Variants in NLRC5 observed in about 807,000 individuals in gnomAD.
NLRC5 encodes NLR family CARD domain containing 5.
A neutral mutation model predicts 206.9 loss-of-function variants in NLRC5; 114 were observed. The ratio of observed to expected loss-of-function variants is 0.55; its 90% CI spans 0.47 to 0.64. The LOEUF is 0.64. Ranked by LOEUF, NLRC5 falls within the 30% of genes least tolerant of loss-of-function variation. The pLI, the probability that NLRC5 is intolerant of heterozygous loss-of-function variation, is 0.00. For synonymous variants in NLRC5, 952 were observed against 962.8 expected (o/e 0.99, Z 0.21); for missense variants, 2,008 against 2,305.5 (o/e 0.87, Z 2.64).
rs779280243 is a variant in NLRC5 at position 57,081,194 on chromosome 16, G to C, written c.5405+13G>C. ...TGAAGAGAGTGGAGTATGAGGGGCC[G>C]GGGGAGGAATGGGACGGGCTAAAGG... On this transcript the variant is annotated intron_variant, in intron 47 of 48. Transcript: ENST00000688547. 2.6e-6 allele frequency: 4 copies of C among 1,538,216 alleles called. No homozygotes were observed. The highest frequency in any genetic ancestry group is 1.2e-5 in the South Asian group (1 of 84,064).
intron 1 of NLRC5, among the ~76,000 whole-genome samples, chr16:56,996,858 A>G (rs2057676459): frequency 6.6e-6 from 1 of 152,184 alleles, no homozygotes; most frequent in African/African-American, 2.4e-5. Context: ...GAATCAGCAT[A>G]GATTTTATTG....
At chr16:57,016,003 T>C (rs2060058576) in intron 1 of NLRC5, among the ~76,000 whole-genome samples, 1 of 148,898 alleles carries the variant, frequency 6.7e-6, no homozygotes, top group Admixed American at 6.7e-5. Flanking sequence ...TCACTTGAAG[T>C]CAGGAGTTCA....
At position 57,026,338 on chromosome 16, in the gene NLRC5, G is replaced by A. The variant is rs749799828; in HGVS notation, c.1395G>A (p.Leu465=). ...TACTGGACCTGGGGGAGGTGGCCCTGAGGGGCCTGGAGACAGGGAAGGTTA... is the reference window on the plus strand; with the variant it reads ...TACTGGACCTGGGGGAGGTGGCCCTAAGGGGCCTGGAGACAGGGAAGGTTA... The part of the protein sequence containing the change: ...SSLLDLGEVA[L]RGLETGKVIF... Residue 465 remains leucine (L), a synonymous_variant, in exon 6 of 49, where the codon CTG becomes CTA. Transcript: ENST00000688547. 7.7e-5 allele frequency: 124 copies of A among 1,613,868 alleles called. 1 individual carries two copies. Among genetic ancestry groups the A allele is most frequent in the Non-Finnish European group, 1.0e-4 (120 of 1,180,060 alleles).
intron 2 of NLRC5, among the ~76,000 whole-genome samples, 174 bp downstream of exon 2, chr16:57,017,362 G>C (rs1457089066): frequency 6.6e-6 from 1 of 152,198 alleles, no homozygotes; most frequent in Admixed American, 6.5e-5. Context: ...ATCAGACACA[G>C]AAAATCAGGA....
At chr16:57,049,428 G>A (rs2064514420) in intron 23 of NLRC5, among the ~76,000 whole-genome samples, 2 of 152,136 alleles carry the variant, frequency 1.3e-5, no homozygotes, top group South Asian at 4.1e-4. Flanking sequence ...CATCTGCAGA[G>A]GAAGCTTAAT....
rs768482609 is a variant in NLRC5, at chr16:57,025,606, G to A, written c.663G>A (p.Pro221=). The A allele has an allele frequency of 4.0e-5, 64 of 1,614,044 alleles. No individual in the cohort carries two copies. In the South Asian group the frequency reaches 5.2e-4, roughly 13 times the overall value. Residue 221 remains proline, a synonymous_variant, in exon 6 of 49, where the codon CCG becomes CCA. Transcript: ENST00000688547. The part of the protein sequence containing the change: ...DLFNTRVNKG[P]RVTVLLGKAG... ...TCAACACCAGGGTTAACAAGGGCCCGAGGGTGACCGTGCTTTTGGGGAAGG... is the reference window on the plus strand; with the variant it reads ...TCAACACCAGGGTTAACAAGGGCCCAAGGGTGACCGTGCTTTTGGGGAAGG...
intron 1 of NLRC5, among the ~76,000 whole-genome samples, chr16:57,005,642 G>T (rs1227338828): frequency 6.6e-6 from 1 of 152,118 alleles, no homozygotes; most frequent in Non-Finnish European, 1.5e-5. Context: ...TTCTAGGCCA[G>T]GTGCAGTGGC....
chr16:57,037,175 C>T lies in NLRC5; in HGVS notation c.2712-20C>T, dbSNP rs1432058055. 1 of 1,607,138 alleles carries T rather than the reference C, an allele frequency of 6.2e-7. No homozygotes were observed. ...TACCTCAGCCACATGCCAACGGCTG[C>T]CTTCTCCTGCTCTCCACAGCCTCAG... On this transcript the variant is annotated intron_variant, in intron 14 of 48. Coordinates refer to ENST00000688547, the MANE Select transcript of NLRC5 (RefSeq NM_001384950.1).
chr16:56,999,614 G>A (rs2058025067), intron 1 of NLRC5, among the ~76,000 whole-genome samples: 2 of 152,254 alleles, frequency 1.3e-5, no homozygotes, highest in African/African-American at 2.4e-5. Context: ...CCAAGCCCTG[G>A]CAGAGCCACA....
rs141061188 is a variant in NLRC5, at chr16:57,083,453, A to C, written c.*925A>C. 56 of 152,344 alleles carry C rather than the reference A, an allele frequency of 3.7e-4. 1 individual carries two copies. Among genetic ancestry groups the C allele is most frequent in the Middle Eastern group, 3.4e-3 (1 of 294 alleles). The allele number at this position is 152,344 out of a possible 1,614,324, so 9.4% of individuals were successfully genotyped here. A position where few individuals can be genotyped will look rare whatever the true frequency, so the allele number is the denominator to read the frequency against. On this transcript the variant is annotated 3_prime_UTR_variant, in exon 49 of 49. Coordinates refer to ENST00000688547, the MANE Select transcript of NLRC5 (RefSeq NM_001384950.1). The stretch of plus-strand genomic sequence containing the variant: ...GTTACCCAGTGTTCTTGTTACTTCC[A>C]AGGAGAACCAAGAATGGCTCTGTCA...
chr16:57,030,343 GATGA>G (rs1220188144), intron 10 of NLRC5, among the ~76,000 whole-genome samples: 6 of 124,994 alleles, frequency 4.8e-5, no homozygotes, highest in East Asian at 6.7e-4. Flanking sequence ...AAGATGGATG[GATGA>G]ATGGATGGCT....
intron 17 of NLRC5, 22 bp downstream of exon 17, chr16:57,040,740 C>G: frequency 1.2e-6 from 2 of 1,611,934 alleles, no homozygotes; most frequent in Admixed American, 1.7e-5. Flanking sequence ...GCCTCCAGCC[C>G]TGTGTGTGAT....
intron 36 of NLRC5, among the ~76,000 whole-genome samples, chr16:57,069,043 T>C (rs1176551682): frequency 6.6e-6 from 1 of 152,242 alleles, no homozygotes; most frequent in African/African-American, 2.4e-5. Context: ...CTCGGGCTAG[T>C]GATGTTAACT....
At chr16:57,077,236 G>A (rs1452085206) in intron 40 of NLRC5, 60 bp from the exon 41 acceptor site, 106 of 1,475,778 alleles carry the variant, frequency 7.2e-5, no homozygotes, top group Admixed American at 1.0e-4. Context: ...CTTTTTCTGG[G>A]AGTGGGGTGT....
At chr16:57,009,089 G>A (rs1205042248) in intron 1 of NLRC5, among the ~76,000 whole-genome samples, 1 of 151,984 alleles carries the variant, frequency 6.6e-6, no homozygotes, top group Non-Finnish European at 1.5e-5. Context: ...TCAGGAGCTT[G>A]AGACCCGCCT....
intron 1 of NLRC5, among the ~76,000 whole-genome samples, chr16:57,014,694 A>G (rs28510917): frequency 0.041 from 6,241 of 152,236 alleles, 416 homozygotes; most frequent in African/African-American, 0.14. Flanking sequence ...GAAGGCAAGT[A>G]TGTCTTAGTC....
intron 20 of NLRC5, among the ~76,000 whole-genome samples, chr16:57,044,014 G>A (rs1286158011): frequency 1.3e-5 from 2 of 151,910 alleles, no homozygotes; most frequent in Non-Finnish European, 2.9e-5. Flanking sequence ...TAAGAAAACT[G>A]GGGGCCAGGC....
At chr16:57,071,066 G>A (rs111663387) in intron 38 of NLRC5, among the ~76,000 whole-genome samples, 1 of 124,778 alleles carries the variant, frequency 8.0e-6, no homozygotes, top group African/African-American at 3.0e-5. Flanking sequence ...GGTGGTTAAT[G>A]GGGAAGAGTT....
At position 57,025,374 on chromosome 16, in the gene NLRC5, C is replaced by T; in HGVS notation, c.431C>T (p.Ala144Val). 1 of 1,534,592 alleles carries T rather than the reference C, an allele frequency of 6.5e-7. No individual in the cohort carries two copies. Among genetic ancestry groups the T allele is most frequent in the Non-Finnish European group, 8.8e-7 (1 of 1,141,926 alleles). ...KQCKKQQLEL[A>V]KKYLQLLRTS... Reference sequence around the variant, plus strand: ...ATGTCCCTGCCCCTTGCAGAGTTGGCCAAGAAGTACCTGCAGCTCCTGCGG... The same window carrying T: ...ATGTCCCTGCCCCTTGCAGAGTTGGTCAAGAAGTACCTGCAGCTCCTGCGG... The change falls in exon 6 of 49, where the codon GCC becomes GTC. Residue 144 changes from alanine (A) to valine (V), a missense_variant. Ala to Val is a moderately conservative substitution (Grantham distance 64, BLOSUM62 0). Transcript: ENST00000688547.
Sources: gnomAD v4.1 joint callset for allele counts (sites outside exome capture counted in the v4.1 genomes callset) on GRCh38, gnomAD v4.1.1 for gene constraint, MANE v1.5 for transcripts, NCBI Gene and HGNC (gene_info 2026-07-23, HGNC 2026-07-21) for gene names.